Variants in ARHGEF7 observed in about 807,000 individuals in gnomAD.
ARHGEF7 encodes PAK-interacting exchange factor beta.
In ARHGEF7, 33 loss-of-function variants were observed where a neutral mutation model predicts 109.8. The ratio of observed to expected loss-of-function variants is 0.30; its 90% CI spans 0.23 to 0.40. The LOEUF is 0.40. Ranked by LOEUF, ARHGEF7 falls within the 10% of genes least tolerant of loss-of-function variation. The pLI is 1.00. For missense variants in ARHGEF7, 938 were observed against 1,098.5 expected (o/e 0.85, Z 2.07); for synonymous variants, 458 against 424.6 (o/e 1.08, Z -0.97).
At chr13:111,251,570 C>A (rs2089777808) in intron 8 of ARHGEF7, among the ~76,000 whole-genome samples, 1 of 152,324 alleles carries the variant, frequency 6.6e-6, no homozygotes, top group African/African-American at 2.4e-5. Flanking sequence ...TGTCGAGATT[C>A]TTTTCCGTGT....
chr13:111,298,064 A>G (rs554394118), intron 19 of ARHGEF7, among the ~76,000 whole-genome samples: 2 of 152,366 alleles, frequency 1.3e-5, no homozygotes, highest in Admixed American at 1.3e-4. Flanking sequence ...ACAACTGGAT[A>G]ATTGGTGGGA....
intron 2 of ARHGEF7, chr13:111,182,049 T>C (rs1292010445): frequency 2.0e-5 from 3 of 152,206 alleles, no homozygotes; most frequent in Non-Finnish European, 2.9e-5. Context: ...TTGAACCTGA[T>C]GTTTGTTCAG....
intron 1 of ARHGEF7, among the ~76,000 whole-genome samples, chr13:111,140,404 G>A (rs970945206): frequency 6.6e-6 from 1 of 152,216 alleles, no homozygotes; most frequent in African/African-American, 2.4e-5. Context: ...TCAGGTCATC[G>A]GGGAGGTGTT....
chr13:111,225,358 CCA>C (rs1379686962), intron 5 of ARHGEF7, among the ~76,000 whole-genome samples: 1 of 152,104 alleles, frequency 6.6e-6, no homozygotes, highest in African/African-American at 2.4e-5. Flanking sequence ...AGAGCACAGG[CCA>C]CCCACTCCCA....
intron 1 of ARHGEF7, among the ~76,000 whole-genome samples, chr13:111,151,115 AGGTTGAATGCTTTAAAGTCAGGGGCTCGT>A (rs1465014693): frequency 6.6e-6 from 1 of 152,242 alleles, no homozygotes; most frequent in Non-Finnish European, 1.5e-5. Context: ...CACAATAGCA[AGGTTGAATGCTTTAAAGTCAGGGGCTCGT>A]GTGACCATTT....
chr13:111,279,017 G>T (rs983077398), intron 13 of ARHGEF7, among the ~76,000 whole-genome samples: 1 of 152,216 alleles, frequency 6.6e-6, no homozygotes, highest in Non-Finnish European at 1.5e-5. Flanking sequence ...TCTACCATTA[G>T]AACACTGGCT....
At chr13:111,241,750 T>G (rs939111669) in intron 6 of ARHGEF7, among the ~76,000 whole-genome samples, 4 of 152,344 alleles carry the variant, frequency 2.6e-5, no homozygotes, top group African/African-American at 9.6e-5. Flanking sequence ...GGAACATTTT[T>G]CTGTTTGAAA....
intron 5 of ARHGEF7, among the ~76,000 whole-genome samples, chr13:111,225,752 ATGT>A (rs2085124405): frequency 6.6e-6 from 1 of 152,090 alleles, no homozygotes; most frequent in Non-Finnish European, 1.5e-5. Context: ...TAATTGATAA[ATGT>A]TGTGTGTATT....
intron 2 of ARHGEF7, among the ~76,000 whole-genome samples, chr13:111,177,516 A>AC (rs758663475): frequency 6.6e-6 from 1 of 151,820 alleles, no homozygotes; most frequent in African/African-American, 2.4e-5. Context: ...GGAGGGTCAC[A>AC]CCCCCTGAGA....
At chr13:111,253,678 TG>T (rs960966099) in intron 8 of ARHGEF7, among the ~76,000 whole-genome samples, 9 of 152,212 alleles carry the variant, frequency 5.9e-5, no homozygotes, top group Non-Finnish European at 1.3e-4. Flanking sequence ...CCACCAAGCC[TG>T]GGACTACCAC....
intron 5 of ARHGEF7, among the ~76,000 whole-genome samples, chr13:111,229,250 C>A (rs1278021491): frequency 6.6e-6 from 1 of 152,166 alleles, no homozygotes; most frequent in Admixed American, 6.5e-5. Context: ...TGATTTTTCT[C>A]CTGAATATCT....
In ARHGEF7 at chr13:111,145,673, T is replaced by A. The variant is rs1210707042; in HGVS notation, c.166-8232T>A. Among the ~76,000 whole-genome samples, 1 of 152,166 alleles carries A rather than the reference T, an allele frequency of 6.6e-6. No homozygotes were observed. The highest frequency in any genetic ancestry group is 1.5e-5 in the Non-Finnish European group (1 of 68,020). ...CCCATACAGCCCACTGTGAGCCAGCTCCAGCATCTACTGCTCTAGGCCCCT... is the reference window on the plus strand; with the variant it reads ...CCCATACAGCCCACTGTGAGCCAGCACCAGCATCTACTGCTCTAGGCCCCT... On this transcript the variant is annotated intron_variant, in intron 1 of 21. Coordinates refer to ENST00000646102, the MANE Select transcript of ARHGEF7 (RefSeq NM_001354046.2). The surrounding 1 kb of genome is among the most constrained non-coding windows in gnomAD (Gnocchi z 4.3).
intron 19 of ARHGEF7, among the ~76,000 whole-genome samples, chr13:111,299,499 C>A (rs1011268433): frequency 6.6e-6 from 1 of 151,994 alleles, no homozygotes; most frequent in Non-Finnish European, 1.5e-5. Flanking sequence ...CCTGCCACCA[C>A]GCCCGGCTAA....
In ARHGEF7 at chr13:111,277,669, A is replaced by G. The variant is rs372988490; in HGVS notation, c.1502A>G (p.Tyr501Cys). 13 of 1,581,410 alleles carry G rather than the reference A, an allele frequency of 8.2e-6. No homozygotes were observed. The highest frequency in any genetic ancestry group is 1.1e-5 in the Non-Finnish European group (13 of 1,150,760). ...AGTCCTAGGATGAGTGGCTTTATCT[A>G]TCAGGTAAAACACAATTTAAATTTA... Reference protein sequence around the residue: ...SASPRMSGFIYQGKLPTTGMT... With the variant: ...SASPRMSGFICQGKLPTTGMT... The change falls in exon 13 of 22, where the codon TAT becomes TGT. Residue 501 changes from tyrosine to cysteine, a missense_variant. Physicochemically the swap from Tyr to Cys is radical, Grantham distance 194. This residue lies in a region of ARHGEF7 where 585 missense variants were observed against 723.6 expected (regional missense o/e 0.81). Transcript: ENST00000646102.
At chr13:111,283,059 G>A (rs928480490) in intron 15 of ARHGEF7, 80 bp from the exon 16 acceptor site, 1 of 1,444,582 alleles carries the variant, frequency 6.9e-7, no homozygotes, top group Admixed American at 2.0e-5. Flanking sequence ...AGAGCAGAAG[G>A]AAGTGCGTGA....
At chr13:111,140,295 C>T (rs747561175) in intron 1 of ARHGEF7, among the ~76,000 whole-genome samples, 13 of 152,212 alleles carry the variant, frequency 8.5e-5, no homozygotes, top group Non-Finnish European at 1.3e-4. Flanking sequence ...ACACAGAAAT[C>T]AATGAGACAT....
chr13:111,263,380 T>C (rs1238268035), intron 8 of ARHGEF7, among the ~76,000 whole-genome samples: 1 of 152,204 alleles, frequency 6.6e-6, no homozygotes, highest in African/African-American at 2.4e-5. Flanking sequence ...ATTGTTCGTT[T>C]ATAAGCTATG....
At chr13:111,151,143 G>A (rs747195515) in intron 1 of ARHGEF7, among the ~76,000 whole-genome samples, 2 of 152,190 alleles carry the variant, frequency 1.3e-5, no homozygotes, top group Non-Finnish European at 2.9e-5. Context: ...TCAGGGGCTC[G>A]TGTGACCATT....
At chr13:111,248,974 C>T (rs1177605278) in intron 8 of ARHGEF7, among the ~76,000 whole-genome samples, 1 of 152,186 alleles carries the variant, frequency 6.6e-6, no homozygotes, top group Admixed American at 6.5e-5. Flanking sequence ...TGGTCAGGCT[C>T]AAATTGCCAA....
Sources: gnomAD v4.1 joint callset for allele counts (sites outside exome capture counted in the v4.1 genomes callset) on GRCh38, gnomAD v4.1.1 for gene constraint, gnomAD v4.1.1 regional missense constraint, Gnocchi (gnomAD v3.1) non-coding constraint, MANE v1.5 for transcripts, NCBI Gene and HGNC (gene_info 2026-07-23, HGNC 2026-07-21) for gene names.